PLEKHG4B: variants seen among roughly 807,000 people sequenced by gnomAD.
The protein encoded by PLEKHG4B is pleckstrin homology and RhoGEF domain containing G4B, also known as pleckstrin homology domain-containing family G member 4B.
PLEKHG4B carries 111 observed loss-of-function variants against 121.3 expected under a neutral mutation model. That is an observed-to-expected ratio of 0.92 (90% CI 0.78 to 1.07). The LOEUF (loss-of-function observed/expected upper bound fraction) is 1.07, where lower values mean the gene tolerates loss of function less well. PLEKHG4B is among the 50% of genes least tolerant of loss of function. The pLI, the probability that PLEKHG4B is intolerant of heterozygous loss-of-function variation, is 0.00. For synonymous variants in PLEKHG4B, 738 were observed against 725.0 expected (o/e 1.02, Z -0.29); for missense variants, 1,831 against 1,757.8 (o/e 1.04, Z -0.74).
At chr5:169,718 TC>T (rs1197565758) in intron 14 of PLEKHG4B, 126 bp downstream of exon 14, 2 of 1,388,130 alleles carry the variant, frequency 1.4e-6, no homozygotes, top group African/African-American at 2.9e-5. Context: ...TAGGAGCTGG[TC>T]CTGACAGGAT....
chr5:109,929 A>G (rs1406870079), intron 1 of PLEKHG4B, among the ~76,000 whole-genome samples: 1 of 152,210 alleles, frequency 6.6e-6, no homozygotes, highest in Non-Finnish European at 1.5e-5. Context: ...ACAATCAGCA[A>G]CACACGTGCA....
rs190345062 is a variant in PLEKHG4B, at chr5:131,851, T to C, written c.244-7632T>C. ...TCTCATTGTGGTTTTGATTAGCATT[T>C]CTCTGATGACCAGTGATGATGAGCA... On this transcript the variant is annotated intron_variant, in intron 2 of 19. Transcript: ENST00000637938. 2.0e-3 allele frequency among the ~76,000 whole-genome samples: 302 copies of C among 152,330 alleles called. 2 individuals are homozygous for C. The highest frequency in any genetic ancestry group is 6.8e-3 in the African/African-American group (282 of 41,576).
rs760992918 is a variant in PLEKHG4B at position 172,933 on chromosome 5, G to A, written c.4087G>A (p.Asp1363Asn). ...GGAACAGGGGCAGCTGAGATGCCGGGATGAGTTTATCGTTTGCTGCGGGAG... is the reference window on the plus strand; with the variant it reads ...GGAACAGGGGCAGCTGAGATGCCGGAATGAGTTTATCGTTTGCTGCGGGAG... Reference protein sequence around the residue: ...LKEQGQLRCRDEFIVCCGRKK... With the variant: ...LKEQGQLRCRNEFIVCCGRKK... The change falls in exon 17 of 20, where the codon GAT becomes AAT. Residue 1363 changes from aspartate to asparagine, a missense_variant. By Grantham distance (23) the Asp-to-Asn change is conservative. Coordinates refer to ENST00000637938, the MANE Select transcript of PLEKHG4B (RefSeq NM_052909.5). The A allele has an allele frequency of 3.7e-6, 6 of 1,614,104 alleles. No homozygotes were observed. Among genetic ancestry groups the A allele is most frequent in the Non-Finnish European group, 5.1e-6 (6 of 1,180,046 alleles).
chr5:120,311 C>G (rs1167033212), intron 2 of PLEKHG4B, among the ~76,000 whole-genome samples: 3 of 152,212 alleles, frequency 2.0e-5, no homozygotes, highest in Non-Finnish European at 4.4e-5. Context: ...CTTACAGTCT[C>G]ATGGTCTCAA....
Position 113,328 on chromosome 5 carries a change from G to C in PLEKHG4B, c.123G>C (p.Thr41=). The change falls in exon 2 of 20, where the codon ACG becomes ACC. Residue 41 remains threonine (T), a synonymous_variant. Coordinates refer to ENST00000637938, the MANE Select transcript of PLEKHG4B (RefSeq NM_052909.5). The surrounding 1 kb of genome is among the most constrained non-coding windows in gnomAD (Gnocchi z 5.2). ...LYPPFEATAA[T]VLWQLFSVAE... is the part of the protein sequence containing the mutation. ...CACCGTTTGAAGCCACGGCAGCCAC[G>C]GTGCTCTGGCAGCTGTTCAGCGTGG... is the stretch of plus-strand genomic sequence containing the variant. The C allele has an allele frequency of 2.5e-6, 1 of 399,106 alleles. No homozygotes were observed. Among genetic ancestry groups the C allele is most frequent in the African/African-American group, 2.1e-5 (1 of 48,746 alleles). The allele number at this position is 399,106 out of a possible 1,614,324, so 24.7% of individuals were successfully genotyped here.
At chr5:177,914 C>A (rs1337345493) in intron 18 of PLEKHG4B, among the ~76,000 whole-genome samples, 1 of 152,062 alleles carries the variant, frequency 6.6e-6, no homozygotes, top group African/African-American at 2.4e-5. Flanking sequence ...TGAGGATGCC[C>A]TGTGTGCTTA....
chr5:106,231 T>C (rs1211223237), intron 1 of PLEKHG4B, among the ~76,000 whole-genome samples: 1 of 152,152 alleles, frequency 6.6e-6, no homozygotes, highest in South Asian at 2.1e-4. Context: ...GGGCATAGCA[T>C]ATTGTGGTTC....
At chr5:151,275 A>G (rs1470838521) in intron 6 of PLEKHG4B, among the ~76,000 whole-genome samples, 1 of 152,208 alleles carries the variant, frequency 6.6e-6, no homozygotes, top group Non-Finnish European at 1.5e-5. Flanking sequence ...TTATAGAACT[A>G]TTCACTAAAA....
rs4956993 is a variant in PLEKHG4B at position 184,587 on chromosome 5, A to G, written c.*2264A>G. On this transcript the variant is annotated 3_prime_UTR_variant, in exon 20 of 20. Coordinates refer to ENST00000637938, the MANE Select transcript of PLEKHG4B (RefSeq NM_052909.5). Reference sequence around the variant, plus strand: ...ATGTTAAATGATGTGCTTCAGGGAAAAGAAAAATGAAGAGCATGTGCACCA... The same window carrying G: ...ATGTTAAATGATGTGCTTCAGGGAAGAGAAAAATGAAGAGCATGTGCACCA... 78,249 of 152,216 alleles carry G rather than the reference A, an allele frequency of 0.51. 23,076 individuals carry two copies. Among genetic ancestry groups the G allele is most frequent in the Non-Finnish European group, 0.67 (45,600 of 68,002 alleles). The allele number at this position is 152,216 out of a possible 1,614,324, so 9.4% of individuals were successfully genotyped here. A position where few individuals can be genotyped will look rare whatever the true frequency, so the allele number is the denominator to read the frequency against.
intron 15 of PLEKHG4B, 24 bp downstream of exon 15, chr5:171,156 C>G (rs749712557): frequency 3.1e-6 from 5 of 1,609,270 alleles, no homozygotes; most frequent in African/African-American, 1.3e-5. Context: ...GCCCGCCCCC[C>G]ACAGCCTGCC....
chr5:128,688 C>T (rs1357120613), intron 2 of PLEKHG4B, among the ~76,000 whole-genome samples: 4 of 152,210 alleles, frequency 2.6e-5, no homozygotes, highest in African/African-American at 4.8e-5. Flanking sequence ...ATAGTTATGG[C>T]AGACAGATTC....
At chr5:110,286 A>G (rs1178675066) in intron 1 of PLEKHG4B, among the ~76,000 whole-genome samples, 1 of 149,718 alleles carries the variant, frequency 6.7e-6, no homozygotes, top group African/African-American at 2.5e-5. Flanking sequence ...ACACACATGC[A>G]TACACCCACA....
intron 2 of PLEKHG4B, among the ~76,000 whole-genome samples, chr5:133,336 A>C (rs1416843452): frequency 6.6e-6 from 1 of 152,184 alleles, no homozygotes; most frequent in Non-Finnish European, 1.5e-5. Flanking sequence ...TCATCAACCA[A>C]AAACGACAGT....
intron 2 of PLEKHG4B, among the ~76,000 whole-genome samples, chr5:129,877 G>T (rs1734728837): frequency 6.6e-6 from 1 of 152,130 alleles, no homozygotes; most frequent in African/African-American, 2.4e-5. Context: ...CACAGCTGGA[G>T]GCATCAAAGG....
At position 149,136 on chromosome 5, in the gene PLEKHG4B, A is replaced by G. The variant is rs141492577; in HGVS notation, c.1906-2377A>G. 2.8e-3 allele frequency among the ~76,000 whole-genome samples: 419 copies of G among 152,362 alleles called. 4 individuals are homozygous for G. Among genetic ancestry groups the G allele is most frequent in the African/African-American group, 9.5e-3 (396 of 41,586 alleles). On this transcript the variant is annotated intron_variant, in intron 6 of 19. Transcript: ENST00000637938. ...AACGTTTAGAAGACAACATAGGGCA[A>G]AAGTTTTCTAACATTGGATTTGGCA... is the stretch of plus-strand genomic sequence containing the variant.
intron 2 of PLEKHG4B, among the ~76,000 whole-genome samples, chr5:120,044 C>G (rs950841201): frequency 1.3e-5 from 2 of 152,144 alleles, no homozygotes; most frequent in Non-Finnish European, 2.9e-5. Flanking sequence ...CCCAGGAGTT[C>G]AGTAGCATCC....
At chr5:119,172 C>T (rs1220154224) in intron 2 of PLEKHG4B, among the ~76,000 whole-genome samples, 2 of 152,054 alleles carry the variant, frequency 1.3e-5, no homozygotes, top group African/African-American at 2.4e-5. Flanking sequence ...CTTAAGTGTA[C>T]ATGTAGCTTA....
At chr5:131,412 C>T (rs1389242769) in intron 2 of PLEKHG4B, among the ~76,000 whole-genome samples, 1 of 152,174 alleles carries the variant, frequency 6.6e-6, no homozygotes, top group African/African-American at 2.4e-5. Flanking sequence ...TTTCCAGCTT[C>T]ATCCATATCC....
At chr5:163,987 C>T (rs926008844) in intron 13 of PLEKHG4B, among the ~76,000 whole-genome samples, 3 of 152,256 alleles carry the variant, frequency 2.0e-5, no homozygotes, top group Admixed American at 6.5e-5. Context: ...TCTCACTTGT[C>T]GAGCCTGCAA....
Sources: allele counts gnomAD v4.1 joint callset (sites outside exome capture counted in the v4.1 genomes callset), GRCh38; gene constraint gnomAD v4.1.1; non-coding constraint Gnocchi (gnomAD v3.1); transcripts MANE v1.5; gene names NCBI Gene and HGNC (gene_info 2026-07-23, HGNC 2026-07-21).